The following NEGR1 variants were observed in gnomAD, a reference collection of about 807,000 sequenced individuals.
The protein encoded by NEGR1 is IgLON family member 4.
Under a neutral mutation model 40.9 loss-of-function variants are expected in NEGR1, and 10 were observed. That is an observed-to-expected ratio of 0.24 (90% CI 0.15 to 0.42). NEGR1 has a LOEUF of 0.42. Ranked by LOEUF, NEGR1 falls within the 10% of genes least tolerant of loss-of-function variation. The pLI is 1.00. For synonymous variants in NEGR1, 185 were observed against 166.8 expected (o/e 1.11, Z -0.84); for missense variants, 352 against 438.9 (o/e 0.80, Z 1.77).
At chr1:72,194,468 A>T (rs1652931317) in intron 1 of NEGR1, among the ~76,000 whole-genome samples, 1 of 152,022 alleles carries the variant, frequency 6.6e-6, no homozygotes. Context: ...TGCTCAGGAA[A>T]GTTGCCAAGA....
At chr1:72,132,946 T>C (rs566202966) in intron 1 of NEGR1, among the ~76,000 whole-genome samples, 45 of 152,274 alleles carry the variant, frequency 3.0e-4, no homozygotes, top group Non-Finnish European at 5.7e-4. Context: ...CTATTTATCT[T>C]TGAAGCAAAG....
At chr1:71,968,539 T>G (rs1646229775) in intron 1 of NEGR1, among the ~76,000 whole-genome samples, 1 of 152,316 alleles carries the variant, frequency 6.6e-6, no homozygotes, top group Non-Finnish European at 1.5e-5. Flanking sequence ...AATCCTAGTT[T>G]ACTTTAAAGG....
chr1:72,229,560 T>C lies in NEGR1; in HGVS notation c.176+52759A>G, dbSNP rs535163314. On this transcript the variant is annotated intron_variant, in intron 1 of 6. Transcript: ENST00000357731. Reference sequence around the variant, plus strand: ...AAGTCTTGGCAATATATATAATATATAATTTTCCAGATTATAATCTGGAAA... The same window carrying C: ...AAGTCTTGGCAATATATATAATATACAATTTTCCAGATTATAATCTGGAAA... Among the ~76,000 whole-genome samples the C allele has an allele frequency of 8.6e-4, 130 of 150,474 alleles. 3 individuals carry two copies. The South Asian group carries it at 0.023, about 27-fold the overall frequency.
At chr1:71,817,150 G>T (rs1240213779) in intron 2 of NEGR1, among the ~76,000 whole-genome samples, 1 of 152,012 alleles carries the variant, frequency 6.6e-6, no homozygotes, top group Non-Finnish European at 1.5e-5. Flanking sequence ...CTTCTGTGTA[G>T]ACATGGAGAT....
intron 4 of NEGR1, among the ~76,000 whole-genome samples, chr1:71,670,984 G>A (rs1162286258): frequency 6.6e-6 from 1 of 152,038 alleles, no homozygotes; most frequent in African/African-American, 2.4e-5. Flanking sequence ...ATTTCATTAT[G>A]AGCATGAGTC....
intron 1 of NEGR1, among the ~76,000 whole-genome samples, chr1:71,951,737 G>T (rs61765341): frequency 0.1 from 15,695 of 151,776 alleles, 942 homozygotes; most frequent in Middle Eastern, 0.21. Context: ...CTTTTTACAA[G>T]GTTAAGCTTT....
chr1:71,875,602 G>A (rs986296772), intron 2 of NEGR1, among the ~76,000 whole-genome samples: 9 of 152,130 alleles, frequency 5.9e-5, no homozygotes, highest in African/African-American at 2.2e-4. Flanking sequence ...GCAGATACGG[G>A]CTAGATTTAA....
intron 1 of NEGR1, among the ~76,000 whole-genome samples, chr1:72,213,598 A>G (rs1367823691): frequency 1.3e-5 from 2 of 152,000 alleles, no homozygotes; most frequent in African/African-American, 4.8e-5. Context: ...GGATATAAAA[A>G]GTAAAATGTT....
intron 1 of NEGR1, among the ~76,000 whole-genome samples, chr1:72,117,157 T>G (rs1421568650): frequency 6.6e-6 from 1 of 151,848 alleles, no homozygotes; most frequent in Non-Finnish European, 1.5e-5. Flanking sequence ...TAATACATGT[T>G]AAAATACAGT....
intron 2 of NEGR1, among the ~76,000 whole-genome samples, chr1:71,931,133 C>T (rs556591665): frequency 3.2e-4 from 48 of 152,224 alleles, no homozygotes; most frequent in Non-Finnish European, 5.1e-4. Flanking sequence ...GAGTTATGTA[C>T]CCTAAGGAAA....
intron 4 of NEGR1, among the ~76,000 whole-genome samples, chr1:71,624,993 T>C (rs1300362386): frequency 6.6e-6 from 1 of 151,998 alleles, no homozygotes; most frequent in Non-Finnish European, 1.5e-5. Context: ...TGAAGCATAC[T>C]AGGCACTCAA....
intron 2 of NEGR1, among the ~76,000 whole-genome samples, chr1:71,848,963 G>A (rs1169652506): frequency 2.0e-5 from 3 of 151,966 alleles, no homozygotes; most frequent in East Asian, 1.9e-4. Context: ...GGGGGCGCAC[G>A]CCTATAATCC....
chr1:72,102,670 G>T (rs1033058008), intron 1 of NEGR1, among the ~76,000 whole-genome samples: 1 of 151,854 alleles, frequency 6.6e-6, no homozygotes, highest in Non-Finnish European at 1.5e-5. Flanking sequence ...ATCTTATTAA[G>T]GTAACAAACA....
intron 5 of NEGR1, among the ~76,000 whole-genome samples, chr1:71,597,472 C>CTCTCTCTCTGTG (rs756076229): frequency 1.0e-3 from 32 of 31,314 alleles, no homozygotes; most frequent in African/African-American, 2.7e-3. Flanking sequence ...CTCTCTCTCT[C>CTCTCTCTCTGTG]TGTGTGTGTG....
chr1:72,044,527 T>A (rs1646983876), intron 1 of NEGR1, among the ~76,000 whole-genome samples: 1 of 151,774 alleles, frequency 6.6e-6, no homozygotes, highest in African/African-American at 2.4e-5. Context: ...GAGTTTCATA[T>A]ATATCCAGAT....
intron 1 of NEGR1, among the ~76,000 whole-genome samples, chr1:72,047,400 G>A (rs1364391469): frequency 7.9e-5 from 12 of 151,288 alleles, no homozygotes; most frequent in Non-Finnish European, 4.4e-5. Context: ...TATGCTAGAC[G>A]ATCCTATTTC....
At chr1:71,785,315 A>G (rs992816507) in intron 2 of NEGR1, among the ~76,000 whole-genome samples, 16 of 152,210 alleles carry the variant, frequency 1.1e-4, no homozygotes, top group African/African-American at 3.6e-4. Context: ...TAGGAAGAAC[A>G]CCGCAATTGA....
chr1:71,935,848 G>A (rs1454381518), intron 1 of NEGR1, among the ~76,000 whole-genome samples: 1 of 152,070 alleles, frequency 6.6e-6, no homozygotes, highest in Non-Finnish European at 1.5e-5. Context: ...GCCCAGGCTG[G>A]AATGCGGTGG....
chr1:71,935,517 A>G (rs1645897181), intron 1 of NEGR1, among the ~76,000 whole-genome samples: 1 of 120,142 alleles, frequency 8.3e-6, no homozygotes, highest in Admixed American at 8.3e-5. Context: ...AGTTTTTTTA[A>G]GTGTGTAGTG....
Sources: gnomAD v4.1 joint callset for allele counts (sites outside exome capture counted in the v4.1 genomes callset) on GRCh38, gnomAD v4.1.1 for gene constraint, MANE v1.5 for transcripts, NCBI Gene and HGNC (gene_info 2026-07-23, HGNC 2026-07-21) for gene names.